The following SLC71A1 variants were observed in gnomAD, a reference collection of about 807,000 sequenced individuals.
SLC71A1 encodes solute carrier family 71 member 1.
At chr1:100,049,258 A>G in the SLC71A1 span, among the ~76,000 whole-genome samples, 69 of 146,694 alleles carry the variant, frequency 4.7e-4, 2 homozygotes, top group East Asian at 0.013. Flanking sequence ...TTCGCTGGGG[A>G]TTGTTCTGCT....
the SLC71A1 span, among the ~76,000 whole-genome samples, chr1:100,072,493 A>G: frequency 6.6e-6 from 1 of 151,974 alleles, no homozygotes; most frequent in Non-Finnish European, 1.5e-5. Context: ...TGAGGTCAGG[A>G]TTATATCATA....
chr1:100,041,520 A>G, the SLC71A1 span, among the ~76,000 whole-genome samples: 6 of 152,264 alleles, frequency 3.9e-5, no homozygotes, highest in Non-Finnish European at 8.8e-5. Context: ...GTAACTAAAG[A>G]ATAAGTTCCA....
chr1:100,054,103 G>A, the SLC71A1 span, among the ~76,000 whole-genome samples: 32 of 149,418 alleles, frequency 2.1e-4, no homozygotes, highest in African/African-American at 6.7e-4. Context: ...GTGCAGTGGC[G>A]TGATCTCGGC....
the SLC71A1 span, chr1:100,068,322 T>C: frequency 1.0e-6 from 1 of 962,112 alleles, no homozygotes; most frequent in East Asian, 2.6e-5. Flanking sequence ...TTGAAATACT[T>C]TTCAGAATAG....
the SLC71A1 span, among the ~76,000 whole-genome samples, chr1:100,073,576 G>A: frequency 6.6e-6 from 1 of 152,130 alleles, no homozygotes; most frequent in Non-Finnish European, 1.5e-5. Context: ...CCATCACACT[G>A]CCCTGTTTTA....
the SLC71A1 span, among the ~76,000 whole-genome samples, chr1:100,075,917 G>C: frequency 1.3e-5 from 2 of 152,170 alleles, no homozygotes. Context: ...GGTTCAAGCA[G>C]TCCTTCCATC....
At chr1:100,068,852 G>A in the SLC71A1 span, among the ~76,000 whole-genome samples, 1 of 151,968 alleles carries the variant, frequency 6.6e-6, no homozygotes, top group East Asian at 1.9e-4. Context: ...GCGTAGTGGC[G>A]GGCACCTGTA....
the SLC71A1 span, among the ~76,000 whole-genome samples, chr1:100,074,635 T>G: frequency 6.6e-6 from 1 of 151,092 alleles, no homozygotes; most frequent in Non-Finnish European, 1.5e-5. Flanking sequence ...TACCAGCACT[T>G]TGGGAGGCCG....
At chr1:100,077,418 T>C in the SLC71A1 span, 1 of 579,458 alleles carries the variant, frequency 1.7e-6, no homozygotes, top group East Asian at 3.2e-5. Flanking sequence ...AATATAAGTC[T>C]GCCACTTGTA....
At chr1:100,082,954 C>T in the SLC71A1 span, 1 of 152,668 alleles carries the variant, frequency 6.6e-6, no homozygotes, top group South Asian at 2.1e-4. Flanking sequence ...AGCACCTCAA[C>T]ACTTGAATAC....
the SLC71A1 span, chr1:100,068,699 T>C: frequency 1.4e-6 from 1 of 705,450 alleles, no homozygotes; most frequent in Non-Finnish European, 2.4e-6. Flanking sequence ...TGAATATCAT[T>C]GGACTTGGTA....
chr1:100,059,028 T>C, the SLC71A1 span, among the ~76,000 whole-genome samples: 1 of 151,764 alleles, frequency 6.6e-6, no homozygotes, highest in Non-Finnish European at 1.5e-5. Context: ...AATGATTTTG[T>C]AAGACTACAG....
the SLC71A1 span, among the ~76,000 whole-genome samples, chr1:100,041,214 C>T: frequency 6.6e-6 from 1 of 152,070 alleles, no homozygotes; most frequent in South Asian, 2.1e-4. Flanking sequence ...CCAGATTAAT[C>T]GTAAGTTACT....
At chr1:100,061,760 T>G in the SLC71A1 span, 2 of 948,244 alleles carry the variant, frequency 2.1e-6, no homozygotes, top group South Asian at 2.7e-5. Context: ...TTACGCTTAA[T>G]TAACTTATAA....
chr1:100,067,641 A>G, the SLC71A1 span, among the ~76,000 whole-genome samples: 2 of 151,798 alleles, frequency 1.3e-5, no homozygotes, highest in Non-Finnish European at 1.5e-5. Flanking sequence ...CGTGACTTCC[A>G]CCTCTATAAA....
chr1:100,040,475 T>G, the SLC71A1 span, among the ~76,000 whole-genome samples: 13 of 152,280 alleles, frequency 8.5e-5, no homozygotes, highest in Non-Finnish European at 1.9e-4. Context: ...TTTGTTTGTT[T>G]GAGATGGAGT....
At chr1:100,068,951 C>G in the SLC71A1 span, among the ~76,000 whole-genome samples, 1 of 152,092 alleles carries the variant, frequency 6.6e-6, no homozygotes, top group Admixed American at 6.5e-5. Context: ...CCATTCACTC[C>G]AGCCTGGGTA....
the SLC71A1 span, among the ~76,000 whole-genome samples, chr1:100,076,942 T>C: frequency 6.6e-6 from 1 of 152,164 alleles, no homozygotes; most frequent in Non-Finnish European, 1.5e-5. Context: ...GAATAGGAAG[T>C]TTTATCTTTC....
chr1:100,060,148 TAAG>T, the SLC71A1 span: 43 of 712,048 alleles, frequency 6.0e-5, no homozygotes, highest in Admixed American at 4.2e-4. Flanking sequence ...TTCACACAGA[TAAG>T]AAGGCCTCTA....
Sources: allele counts gnomAD v4.1 joint callset (sites outside exome capture counted in the v4.1 genomes callset), GRCh38; gene constraint gnomAD v4.1.1; transcripts MANE v1.5; gene names NCBI Gene and HGNC (gene_info 2026-07-23, HGNC 2026-07-21).